Variants in RNF38 observed in about 807,000 individuals in gnomAD.
RNF38 encodes the protein ring finger protein 38.
Under a neutral mutation model 67.2 loss-of-function variants are expected in RNF38, and 15 were observed. The ratio of observed to expected loss-of-function variants is 0.22; its 90% CI spans 0.15 to 0.34. The LOEUF is 0.34. RNF38 is among the 10% of genes least tolerant of loss of function. The pLI, the probability that RNF38 is intolerant of heterozygous loss-of-function variation, is 1.00. For missense variants in RNF38, 524 were observed against 639.9 expected (o/e 0.82, Z 1.95); for synonymous variants, 220 against 218.8 (o/e 1.01, Z -0.05).
At chr9:36,458,434 G>C (rs1429790893) in intron 1 of RNF38, among the ~76,000 whole-genome samples, 1 of 152,174 alleles carries the variant, frequency 6.6e-6, no homozygotes, top group African/African-American at 2.4e-5. Context: ...CTTCACAGTA[G>C]ATCTTGCTGC....
At chr9:36,424,564 T>G in intron 2 of RNF38, 1 of 813,286 alleles carries the variant, frequency 1.2e-6, no homozygotes, top group South Asian at 5.6e-5. Context: ...TCCAGCAACG[T>G]AAGGTTGGCA....
Position 36,356,315 on chromosome 9 carries a change from C to T in RNF38, c.897G>A (p.Gln299=), listed in dbSNP as rs200037150. 2.0e-5 allele frequency: 32 copies of T among 1,613,908 alleles called. No homozygotes were observed. Among genetic ancestry groups the T allele is most frequent in the Non-Finnish European group, 2.6e-5 (31 of 1,179,950 alleles). ...TAGAGATACCTACCGATCGTGATTG[C>T]TGTGTTTGGAAAGGGACAAACTGGC... ...PPGQFVPFQT[Q]QSRSPLQRIE... The change falls in exon 6 of 12, where the codon CAG becomes CAA. Residue 299 remains glutamine (Q), a synonymous_variant. Coordinates refer to ENST00000259605, the MANE Select transcript of RNF38 (RefSeq NM_022781.5).
At chr9:36,442,070 AG>A (rs894043544) in intron 1 of RNF38, among the ~76,000 whole-genome samples, 4 of 152,004 alleles carry the variant, frequency 2.6e-5, no homozygotes, top group East Asian at 3.9e-4. Flanking sequence ...CCTACTTATA[AG>A]GGGGGGAGGG....
At chr9:36,366,761 G>A (rs1213041373) in intron 4 of RNF38, among the ~76,000 whole-genome samples, 1 of 152,214 alleles carries the variant, frequency 6.6e-6, no homozygotes, top group Non-Finnish European at 1.5e-5. Context: ...TGAAGTAGGT[G>A]AATTCACTGT....
At chr9:36,439,473 G>C (rs79989684) in intron 1 of RNF38, among the ~76,000 whole-genome samples, 7,642 of 152,158 alleles carry the variant, frequency 0.05, 596 homozygotes, top group African/African-American at 0.17. Flanking sequence ...ACACAGCACT[G>C]TGGCACAGAA....
chr9:36,404,517 G>A (rs1838133708), upstream of RNF38, among the ~76,000 whole-genome samples: 1 of 152,214 alleles, frequency 6.6e-6, no homozygotes, highest in Non-Finnish European at 1.5e-5. Context: ...CTAGAAATGA[G>A]TTAAGGAATA....
intron 2 of RNF38, among the ~76,000 whole-genome samples, chr9:36,407,772 TAC>T (rs1264105117): frequency 3.9e-5 from 6 of 152,166 alleles, no homozygotes; most frequent in Non-Finnish European, 5.9e-5. Context: ...ATTCTGGCAC[TAC>T]AGTTTTTACC....
At chr9:36,443,133 T>A (rs1839231045) in intron 1 of RNF38, among the ~76,000 whole-genome samples, 1 of 152,242 alleles carries the variant, frequency 6.6e-6, no homozygotes, top group African/African-American at 2.4e-5. Flanking sequence ...TTTTTAAGTA[T>A]CATACTGTTT....
At chr9:36,383,493 ATGTGTTTCT>A (rs2133938205) in intron 2 of RNF38, among the ~76,000 whole-genome samples, 2 of 152,262 alleles carry the variant, frequency 1.3e-5, no homozygotes, top group South Asian at 2.1e-4. Context: ...GCCGGCCTAA[ATGTGTTTCT>A]ATTAGTGAAA....
At chr9:36,444,919 CTT>C (rs34369319) in intron 1 of RNF38, among the ~76,000 whole-genome samples, 7 of 133,414 alleles carry the variant, frequency 5.2e-5, no homozygotes, top group Admixed American at 7.7e-5. Flanking sequence ...GAGCCATTCT[CTT>C]TTTTTTTTTT....
At chr9:36,394,991 T>C (rs1356439920) in intron 1 of RNF38, among the ~76,000 whole-genome samples, 1 of 152,220 alleles carries the variant, frequency 6.6e-6, no homozygotes, top group Non-Finnish European at 1.5e-5. Context: ...TGAGACCACA[T>C]TAAGTCTGCA....
intron 2 of RNF38, among the ~76,000 whole-genome samples, chr9:36,418,287 C>T (rs1042786777): frequency 2.6e-5 from 4 of 151,814 alleles, no homozygotes; most frequent in East Asian, 1.9e-4. Flanking sequence ...CCACTCATTT[C>T]GGCCTCCCAA....
At chr9:36,409,293 AAGAG>A (rs912911229) in intron 2 of RNF38, among the ~76,000 whole-genome samples, 12 of 151,510 alleles carry the variant, frequency 7.9e-5, no homozygotes, top group African/African-American at 2.2e-4. Context: ...AAAGAAAAGA[AAGAG>A]AGAGAAAGAA....
intron 2 of RNF38, among the ~76,000 whole-genome samples, chr9:36,411,554 A>G (rs1055439073): frequency 1.3e-5 from 2 of 152,118 alleles, no homozygotes; most frequent in Admixed American, 1.3e-4. Flanking sequence ...AATGTGATGT[A>G]TATTACAATG....
intron 9 of RNF38, among the ~76,000 whole-genome samples, chr9:36,350,322 C>G (rs969645717): frequency 6.6e-6 from 1 of 152,232 alleles, no homozygotes; most frequent in Non-Finnish European, 1.5e-5. Flanking sequence ...CCATCGATTA[C>G]TTCACAGTAG....
intron 1 of RNF38, among the ~76,000 whole-genome samples, chr9:36,485,304 G>GTATATA (rs1156313770): frequency 6.7e-6 from 1 of 150,276 alleles, no homozygotes; most frequent in African/African-American, 2.5e-5. Flanking sequence ...ATCTCTTAGG[G>GTATATA]TATATATACA....
intron 4 of RNF38, among the ~76,000 whole-genome samples, chr9:36,366,822 G>A (rs781379798): frequency 7.2e-5 from 11 of 152,140 alleles, no homozygotes; most frequent in Non-Finnish European, 1.3e-4. Flanking sequence ...GTCATGTACC[G>A]AGTTAACTTT....
At chr9:36,457,684 G>C (rs1157381094) in intron 1 of RNF38, among the ~76,000 whole-genome samples, 1 of 152,124 alleles carries the variant, frequency 6.6e-6, no homozygotes, top group East Asian at 1.9e-4. Context: ...GAGGCAGGTG[G>C]ATCACTTGAG....
intron 11 of RNF38, among the ~76,000 whole-genome samples, chr9:36,341,217 G>T (rs184504375): frequency 6.6e-6 from 1 of 152,006 alleles, no homozygotes; most frequent in East Asian, 1.9e-4. Flanking sequence ...TCAGCCACAC[G>T]GAACTTGTGG....
Sources: allele counts gnomAD v4.1 joint callset (sites outside exome capture counted in the v4.1 genomes callset), GRCh38; gene constraint gnomAD v4.1.1; transcripts MANE v1.5; gene names NCBI Gene and HGNC (gene_info 2026-07-23, HGNC 2026-07-21).